The following ITGA10 variants were observed in gnomAD, a reference collection of about 807,000 sequenced individuals.
The protein encoded by ITGA10 is integrin alpha-10.
A neutral mutation model predicts 145.2 loss-of-function variants in ITGA10; 105 were observed. That is an observed-to-expected ratio of 0.72 (90% confidence interval 0.62 to 0.85). ITGA10 has a LOEUF of 0.85. Among genes scored for constraint, ITGA10 ranks in the 40% least tolerant of loss-of-function variants. ITGA10 has a pLI of 0.00. For synonymous variants in ITGA10, 506 were observed against 557.8 expected (o/e 0.91, Z 1.31); for missense variants, 1,317 against 1,444.5 (o/e 0.91, Z 1.43).
chr1:145,902,062 G>A (rs1553748958), intron 10 of ITGA10, 41 bp from the exon 11 acceptor site: 1 of 1,596,752 alleles, frequency 6.3e-7, no homozygotes, highest in East Asian at 2.2e-5. Context: ...GAAGACAGTG[G>A]GGAATAAAGA....
Position 145,902,975 on chromosome 1 carries a change from G to A in ITGA10, c.759-14C>T. ...AACCCTTCTGTGCTGAGAAGAGAAA[G>A]GAGTGAGGTGAGATCAGATGTATGC... On this transcript the variant is annotated splice_polypyrimidine_tract_variant and intron_variant, in intron 7 of 29. Transcript: ENST00000369304. 1.9e-6 allele frequency: 3 copies of A among 1,552,478 alleles called. No homozygotes were observed. The highest frequency in any genetic ancestry group is 2.6e-6 in the Non-Finnish European group (3 of 1,148,432).
intron 23 of ITGA10, 44 bp from the exon 24 acceptor site, chr1:145,896,396 C>G: frequency 6.9e-7 from 1 of 1,440,016 alleles, no homozygotes; most frequent in Non-Finnish European, 9.8e-7. Context: ...ACAGCCATAA[C>G]ACAGACACAG....
intron 1 of ITGA10, among the ~76,000 whole-genome samples, chr1:145,909,262 T>A (rs1205417270): frequency 6.6e-6 from 1 of 151,056 alleles, no homozygotes; most frequent in Non-Finnish European, 1.5e-5. Flanking sequence ...ATCATGCCAC[T>A]GCACTCCAGC....
chr1:145,900,728 A>C, intron 14 of ITGA10, 62 bp downstream of exon 14: 2 of 1,542,670 alleles, frequency 1.3e-6, no homozygotes, highest in Non-Finnish European at 1.8e-6. Flanking sequence ...TTGACAAGCA[A>C]AGAGCATCCC....
In ITGA10 at chr1:145,900,822, T is replaced by C. The variant is rs782732004; in HGVS notation, c.1759A>G (p.Thr587Ala). 1.7e-4 allele frequency: 277 copies of C among 1,614,026 alleles called. No homozygotes were observed. The South Asian group carries it at 2.8e-3, about 16-fold the overall frequency. ...GGATGGGGCCTGACTCCACTCTGGG[T>C]TCCATGGTACAGGTACAGTGCTCCC... ...HQGALYLYHG[T>A]QSGVRPHPAQ... The change falls in exon 14 of 30, where the codon ACC becomes GCC. Residue 587 changes from threonine (T) to alanine (A), a missense_variant. Thr to Ala is a moderately conservative substitution (Grantham distance 58, BLOSUM62 0). Transcript: ENST00000369304.
chr1:145,899,013 C>T lies in ITGA10; in HGVS notation c.2155G>A (p.Gly719Ser). The T allele has an allele frequency of 6.2e-7, 1 of 1,614,220 alleles. No individual in the cohort carries two copies. The highest frequency in any genetic ancestry group is 1.3e-5 in the African/African-American group (1 of 75,048). ...AGARAAFDGSGQRLSPRRLRL... is the reference protein window; with the variant it reads ...AGARAAFDGSSQRLSPRRLRL... ...AGCCTCCGAGGGGACAACCTCTGGC[C>T]AGAGCCATCAAATGCTGCACGTGCC... The change falls in exon 17 of 30, where the codon GGC becomes AGC. Residue 719 changes from glycine (G) to serine (S), a missense_variant. Coordinates refer to ENST00000369304, the MANE Select transcript of ITGA10 (RefSeq NM_003637.5).
chr1:145,896,257 C>T lies in ITGA10; in HGVS notation c.2919+11G>A. The T allele has an allele frequency of 6.2e-7, 1 of 1,607,534 alleles. No individual in the cohort carries two copies. Among genetic ancestry groups the T allele is most frequent in the African/African-American group, 1.3e-5 (1 of 74,914 alleles). ...CATTCTCCTCATGCCAAGACCCCTC[C>T]AGCTTCTCACCCTGAGAGTGGTTTT... On this transcript the variant is annotated intron_variant, in intron 24 of 29. Transcript: ENST00000369304.
chr1:145,896,297 GACCC>G lies in ITGA10; in HGVS notation c.2886_2889del (p.Gly963LeufsTer14), dbSNP rs1655388708. ...AGAGTGGTTTTGAATTCTGGGCCAG[GACCC>G]ACTGGGAGGGTCCCATATGGGTGAA... On this transcript the variant is annotated frameshift_variant, in exon 24 of 30. Coordinates refer to ENST00000369304, the MANE Select transcript of ITGA10 (RefSeq NM_003637.5). LOFTEE classifies it high-confidence loss of function. 9 of 1,613,950 alleles carry G rather than the reference GACCC, an allele frequency of 5.6e-6. No individual in the cohort carries two copies. The highest frequency in any genetic ancestry group is 7.6e-6 in the Non-Finnish European group (9 of 1,179,918).
At chr1:145,908,378 T>C (rs1657441782) in intron 1 of ITGA10, among the ~76,000 whole-genome samples, 1 of 152,142 alleles carries the variant, frequency 6.6e-6, no homozygotes, top group Non-Finnish European at 1.5e-5. Flanking sequence ...CACACATAGT[T>C]TGCCATCCAT....
intron 1 of ITGA10, among the ~76,000 whole-genome samples, chr1:145,907,838 C>G (rs969443609): frequency 7.8e-6 from 1 of 128,132 alleles, no homozygotes; most frequent in South Asian, 2.5e-4. Flanking sequence ...GGCGTGATCT[C>G]GGCTTACTGC....
intron 20 of ITGA10, 69 bp from the exon 21 acceptor site, chr1:145,897,408 A>G: frequency 2.5e-6 from 4 of 1,596,110 alleles, no homozygotes; most frequent in Non-Finnish European, 1.7e-6. Context: ...CACAGCCTCT[A>G]AACACTGAGC....
intron 14 of ITGA10, 53 bp downstream of exon 14, chr1:145,900,737 C>T (rs1394396825): frequency 7.7e-6 from 12 of 1,554,398 alleles, no homozygotes; most frequent in African/African-American, 1.4e-5. Flanking sequence ...AAAGAGCATC[C>T]CCCTATTCCT....
chr1:145,901,284 G>A lies in ITGA10; in HGVS notation c.1444-6C>T. 6.2e-7 allele frequency: 1 copy of A among 1,613,972 alleles called. No homozygotes were observed. The highest frequency in any genetic ancestry group is 1.1e-5 in the South Asian group (1 of 91,058). On this transcript the variant is annotated splice_region_variant and splice_polypyrimidine_tract_variant and intron_variant, in intron 12 of 29. Transcript: ENST00000369304. This position sits in a 1 kb window ranked among gnomAD's most constrained non-coding sequence, Gnocchi z 4.3. The stretch of plus-strand genomic sequence containing the variant: ...CTGCCAAAGTATGAACCAATCTGGG[G>A]AATGGTGGGTGATGATGACCCCAGA...
intron 17 of ITGA10, 143 bp from the exon 18 acceptor site, chr1:145,898,366 T>C (rs1256355601): frequency 3.6e-6 from 1 of 280,310 alleles, no homozygotes; most frequent in Non-Finnish European, 6.5e-6. Flanking sequence ...AGTTAATTTA[T>C]TTATTTATTT....
At position 145,904,794 on chromosome 1, in the gene ITGA10, C is replaced by G. The variant is rs1553750538; in HGVS notation, c.499G>C (p.Asp167His). ...PTAQRCPTYM[D>H]VVIVLDGSNS... ...GAGCCATCCAAGACAATGACAACAT[C>G]CATGTATGTTGGGCAGCCTAGAAGG... Residue 167 changes from aspartate to histidine, a missense_variant, in exon 6 of 30, where the codon GAT (aspartate) becomes CAT (histidine). By Grantham distance (81) the Asp-to-His change is moderately conservative. Transcript: ENST00000369304. The G allele has an allele frequency of 6.2e-7, 1 of 1,613,808 alleles. No individual in the cohort carries two copies. The highest frequency in any genetic ancestry group is 8.5e-7 in the Non-Finnish European group (1 of 1,179,836).
In ITGA10 at chr1:145,896,036, C is replaced by T; in HGVS notation, c.2980G>A (p.Val994Met). ...AGGAAGTAATTGCCCCCATGGGCCA[C>T]AGCTGGAAGGAGGGCTGAGATGATG... The part of the protein sequence containing the change: ...GLIISALLPA[V>M]AHGGNYFLSL... The change falls in exon 25 of 30, where the codon GTG becomes ATG. Residue 994 changes from valine (V) to methionine (M), a missense_variant. Physicochemically the swap from Val to Met is conservative, Grantham distance 21. Transcript: ENST00000369304. 6.2e-7 allele frequency: 1 copy of T among 1,614,116 alleles called. No homozygotes were observed. The highest frequency in any genetic ancestry group is 8.5e-7 in the Non-Finnish European group (1 of 1,180,030).
At chr1:145,909,655 T>C (rs1490721164) in intron 1 of ITGA10, among the ~76,000 whole-genome samples, 3 of 139,150 alleles carry the variant, frequency 2.2e-5, no homozygotes, top group Non-Finnish European at 4.6e-5. Flanking sequence ...ATATATAATA[T>C]ATAATTGTTA....
At chr1:145,899,518 T>G (rs587755122) in intron 15 of ITGA10, among the ~76,000 whole-genome samples, 177 bp from the exon 16 acceptor site, 79 of 152,202 alleles carry the variant, frequency 5.2e-4, no homozygotes, top group African/African-American at 1.4e-3. Context: ...TTGATCTTTT[T>G]TTTTTTTTGA....
rs899865547 is a variant in ITGA10 at position 145,897,605 on chromosome 1, A to G, written c.2481T>C (p.Ser827=). Residue 827 remains serine (S), a synonymous_variant, in exon 20 of 30, where the codon TCT becomes TCC. Transcript: ENST00000369304. ...TTTCCTTTCTGTTCTCCAGAGTTGTAGATACCAGCACTTTCCGCCGGCCAC... is the reference window on the plus strand; with the variant it reads ...TTTCCTTTCTGTTCTCCAGAGTTGTGGATACCAGCACTTTCCGCCGGCCAC... ...VRGGRRKVLV[S]TTLENRKENA... is the part of the protein sequence containing the mutation. 2 of 1,614,086 alleles carry G rather than the reference A, an allele frequency of 1.2e-6. No homozygotes were observed. The highest frequency in any genetic ancestry group is 1.7e-6 in the Non-Finnish European group (2 of 1,180,002).
Sources: allele counts gnomAD v4.1 joint callset (sites outside exome capture counted in the v4.1 genomes callset), GRCh38; gene constraint gnomAD v4.1.1; non-coding constraint Gnocchi (gnomAD v3.1); transcripts MANE v1.5; gene names NCBI Gene and HGNC (gene_info 2026-07-23, HGNC 2026-07-21).